Variants in ANO3 observed in about 807,000 individuals in gnomAD.
The protein encoded by ANO3 is anoctamin-3.
ANO3 carries 99 observed loss-of-function variants against 144.8 expected under a neutral mutation model. The ratio of observed to expected loss-of-function variants is 0.68; its 90% CI spans 0.58 to 0.81. The LOEUF is 0.81. Among genes scored for constraint, ANO3 ranks in the 30% least tolerant of loss-of-function variants. The pLI is 0.00. For missense variants in ANO3, 905 were observed against 1,202.2 expected (o/e 0.75, Z 3.66); for synonymous variants, 414 against 392.6 (o/e 1.05, Z -0.64).
At chr11:26,384,627 A>T (rs1856675795) in intron 1 of ANO3, among the ~76,000 whole-genome samples, 1 of 152,134 alleles carries the variant, frequency 6.6e-6, no homozygotes, top group East Asian at 1.9e-4. Context: ...TTTTAGTTCT[A>T]CTCCAAACAT....
chr11:26,565,409 A>G (rs1288563931), intron 14 of ANO3: 4 of 1,613,268 alleles, frequency 2.5e-6, no homozygotes, highest in African/African-American at 2.7e-5. Context: ...CCAAAGACCA[A>G]GTGAAGTTTT....
At chr11:26,624,388 C>A (rs867972196) in intron 17 of ANO3, 74 bp from the exon 18 acceptor site, 3 of 1,052,516 alleles carry the variant, frequency 2.9e-6, no homozygotes, top group Middle Eastern at 5.2e-4. Flanking sequence ...ATAGATGTTT[C>A]TTCAAATAGT....
intron 1 of ANO3, among the ~76,000 whole-genome samples, chr11:26,345,267 A>T (rs576785207): frequency 5.9e-5 from 9 of 152,306 alleles, no homozygotes; most frequent in Non-Finnish European, 1.3e-4. Flanking sequence ...AGATAAAAAA[A>T]ATCCTTGCTG....
At chr11:26,213,607 A>G (rs979556447) in intron 1 of ANO3, among the ~76,000 whole-genome samples, 16 of 152,176 alleles carry the variant, frequency 1.1e-4, no homozygotes, top group African/African-American at 3.9e-4. Flanking sequence ...ACTACAAACC[A>G]CTGCTCAAGG....
intron 1 of ANO3, among the ~76,000 whole-genome samples, chr11:26,249,872 C>T (rs1326631330): frequency 6.6e-6 from 1 of 152,048 alleles, no homozygotes; most frequent in Non-Finnish European, 1.5e-5. Context: ...CAAAGTCTTC[C>T]GCAGTTCCCT....
intron 1 of ANO3, among the ~76,000 whole-genome samples, chr11:26,242,297 T>C (rs1852680071): frequency 6.6e-6 from 1 of 152,324 alleles, no homozygotes; most frequent in Non-Finnish European, 1.5e-5. Flanking sequence ...ATCTTCATGC[T>C]TTCCTACTTC....
chr11:26,597,463 G>A (rs1851668461), intron 14 of ANO3, among the ~76,000 whole-genome samples: 3 of 152,278 alleles, frequency 2.0e-5, no homozygotes, highest in South Asian at 2.1e-4. Flanking sequence ...TGGGCGCCTC[G>A]CTGAATCAGG....
At chr11:26,307,611 C>T (rs1388404261), upstream of ANO3, among the ~76,000 whole-genome samples, 1 of 150,800 alleles carries the variant, frequency 6.6e-6, no homozygotes, top group Non-Finnish European at 1.5e-5. Flanking sequence ...CCCAGCTACT[C>T]AGGAGGCTGA....
At chr11:26,582,053 T>C (rs1197053464) in intron 14 of ANO3, among the ~76,000 whole-genome samples, 3 of 152,194 alleles carry the variant, frequency 2.0e-5, no homozygotes, top group Admixed American at 6.5e-5. Context: ...TATTAAGTAG[T>C]AACAGCAGAA....
intron 1 of ANO3, among the ~76,000 whole-genome samples, chr11:26,212,321 AC>A (rs1851951001): frequency 6.6e-6 from 1 of 151,836 alleles, no homozygotes; most frequent in Admixed American, 6.6e-5. Context: ...GACATGAAAA[AC>A]CCTTCAAAAA....
chr11:26,608,547 G>A (rs145118872), intron 17 of ANO3, among the ~76,000 whole-genome samples: 27 of 152,264 alleles, frequency 1.8e-4, no homozygotes, highest in African/African-American at 6.5e-4. Flanking sequence ...GAGGAGGAAA[G>A]GCTAAGTCTG....
chr11:26,318,148 A>G (rs1046171584), intron 1 of ANO3, among the ~76,000 whole-genome samples: 4 of 152,144 alleles, frequency 2.6e-5, no homozygotes, highest in Non-Finnish European at 4.4e-5. Flanking sequence ...TAGGAGAAAT[A>G]CCTAATGTAG....
chr11:26,248,327 G>A (rs1485166994), intron 1 of ANO3, among the ~76,000 whole-genome samples: 1 of 151,952 alleles, frequency 6.6e-6, no homozygotes, highest in Non-Finnish European at 1.5e-5. Context: ...AACAGAGTGA[G>A]GCTCTGTCTC....
At chr11:26,651,857 TA>T (rs1554985345) in intron 24 of ANO3, among the ~76,000 whole-genome samples, 1 of 152,216 alleles carries the variant, frequency 6.6e-6, no homozygotes, top group Non-Finnish European at 1.5e-5. Flanking sequence ...ATGATGGAGA[TA>T]AAATATATAT....
chr11:26,553,156 G>T (rs936350771), intron 12 of ANO3, 93 bp from the exon 13 acceptor site: 3 of 906,104 alleles, frequency 3.3e-6, no homozygotes, highest in Non-Finnish European at 5.3e-6. Flanking sequence ...TGCCTTGCTG[G>T]TTCCAACAGG....
chr11:26,634,628 C>G (rs143254813), intron 19 of ANO3, among the ~76,000 whole-genome samples: 2 of 152,258 alleles, frequency 1.3e-5, no homozygotes, highest in African/African-American at 4.8e-5. Flanking sequence ...GCATATTAAA[C>G]TAATGATTCT....
chr11:26,493,893 C>A (rs1860817649), intron 4 of ANO3, among the ~76,000 whole-genome samples: 1 of 152,184 alleles, frequency 6.6e-6, no homozygotes, highest in South Asian at 2.1e-4. Flanking sequence ...TAAATACCTT[C>A]TTTCAAGCCT....
intron 7 of ANO3, among the ~76,000 whole-genome samples, chr11:26,529,729 C>A (rs1427182225): frequency 6.6e-6 from 1 of 151,534 alleles, no homozygotes; most frequent in Non-Finnish European, 1.5e-5. Flanking sequence ...TTAAACACAG[C>A]TATTATTATA....
At chr11:26,360,097 G>GT (rs1590290753) in intron 1 of ANO3, among the ~76,000 whole-genome samples, 1 of 150,110 alleles carries the variant, frequency 6.7e-6, no homozygotes, top group South Asian at 2.1e-4. Context: ...ATCTTCTAGT[G>GT]TTTTTTAAAT....
Sources: allele counts gnomAD v4.1 joint callset (sites outside exome capture counted in the v4.1 genomes callset), GRCh38; gene constraint gnomAD v4.1.1; transcripts MANE v1.5; gene names NCBI Gene and HGNC (gene_info 2026-07-23, HGNC 2026-07-21).